The following ADAMTS17 variants were observed in gnomAD, a reference collection of about 807,000 sequenced individuals.
ADAMTS17 encodes the protein ADAM metallopeptidase with thrombospondin type 1 motif 17, also known as A disintegrin and metalloproteinase with thrombospondin motifs 17.
ADAMTS17 carries 113 observed loss-of-function variants against 141.5 expected under a neutral mutation model. The ratio of observed to expected loss-of-function variants is 0.80; its 90% CI spans 0.69 to 0.93. The LOEUF (loss-of-function observed/expected upper bound fraction) is 0.93, where lower values mean the gene tolerates loss of function less well. ADAMTS17 is among the 40% of genes least tolerant of loss of function. The pLI, the probability that ADAMTS17 is intolerant of heterozygous loss-of-function variation, is 0.00. For missense variants in ADAMTS17, 1,659 were observed against 1,517.9 expected (o/e 1.09, Z -1.54); for synonymous variants, 768 against 630.6 (o/e 1.22, Z -3.27).
Position 99,989,761 on chromosome 15 carries a change from G to T in ADAMTS17, c.2949+3287C>A, listed in dbSNP as rs10163081. Among the ~76,000 whole-genome samples the T allele has an allele frequency of 3.9e-3, 596 of 152,352 alleles. 4 individuals are homozygous for T. The highest frequency in any genetic ancestry group is 0.013 in the African/African-American group (559 of 41,590). The stretch of plus-strand genomic sequence containing the variant: ...AGAAGCCCTACTGATAAGACAAGGT[G>T]AGGTCAGATCAGAATGGGTTATAAC... On this transcript the variant is annotated intron_variant, in intron 20 of 21. Coordinates refer to ENST00000268070, the MANE Select transcript of ADAMTS17 (RefSeq NM_139057.4).
At chr15:100,322,275 T>C (rs1368019781) in intron 3 of ADAMTS17, among the ~76,000 whole-genome samples, 4 of 152,042 alleles carry the variant, frequency 2.6e-5, no homozygotes, top group Admixed American at 6.5e-5. Context: ...CTGGAAAGTA[T>C]GGGGGAGGCA....
intron 8 of ADAMTS17, among the ~76,000 whole-genome samples, chr15:100,156,270 T>C (rs2039431249): frequency 6.6e-6 from 1 of 152,212 alleles, no homozygotes; most frequent in African/African-American, 2.4e-5. Flanking sequence ...TATCTGACCA[T>C]CTTCCGTCAG....
intron 4 of ADAMTS17, among the ~76,000 whole-genome samples, chr15:100,267,160 C>T (rs1428233431): frequency 2.0e-5 from 3 of 152,032 alleles, no homozygotes; most frequent in East Asian, 1.9e-4. Context: ...CTCCCACTGC[C>T]CCCCACCCAA....
intron 4 of ADAMTS17, among the ~76,000 whole-genome samples, chr15:100,269,772 T>A (rs911298520): frequency 6.6e-6 from 1 of 152,154 alleles, no homozygotes; most frequent in African/African-American, 2.4e-5. Context: ...TTAGCCTTCA[T>A]CTCTCCTGCT....
At chr15:100,021,173 T>C (rs988329449) in intron 18 of ADAMTS17, among the ~76,000 whole-genome samples, 4 of 152,172 alleles carry the variant, frequency 2.6e-5, no homozygotes, top group African/African-American at 9.7e-5. Flanking sequence ...GGCCGATGTG[T>C]TCACCAGCCT....
chr15:100,333,383 T>C (rs2046113310), intron 2 of ADAMTS17, among the ~76,000 whole-genome samples: 1 of 152,196 alleles, frequency 6.6e-6, no homozygotes, highest in African/African-American at 2.4e-5. Context: ...CCTATTGTTA[T>C]GATCTGGGGA....
chr15:100,162,093 G>A (rs755528600), intron 8 of ADAMTS17, among the ~76,000 whole-genome samples: 11 of 152,266 alleles, frequency 7.2e-5, no homozygotes, highest in Non-Finnish European at 1.6e-4. Flanking sequence ...TAGTGTTGGT[G>A]TTCAGTGTAT....
chr15:100,311,369 G>C (rs537078134), intron 3 of ADAMTS17, among the ~76,000 whole-genome samples: 1 of 152,226 alleles, frequency 6.6e-6, no homozygotes, highest in African/African-American at 2.4e-5. Flanking sequence ...GCCTTCTGGG[G>C]GCCACCATCC....
chr15:100,280,695 G>A (rs1028529375), intron 4 of ADAMTS17, among the ~76,000 whole-genome samples: 3 of 152,188 alleles, frequency 2.0e-5, no homozygotes, highest in Non-Finnish European at 2.9e-5. Context: ...GGATGCCCTT[G>A]AAGGTCCTTC....
At chr15:100,150,222 G>A (rs765507872) in intron 10 of ADAMTS17, among the ~76,000 whole-genome samples, 29 of 152,168 alleles carry the variant, frequency 1.9e-4, no homozygotes, top group Non-Finnish European at 4.1e-4. Context: ...GAGTCACAAA[G>A]CTGAGGGAAT....
At chr15:100,163,030 A>ATATATAAC (rs1242857875) in intron 8 of ADAMTS17, among the ~76,000 whole-genome samples, 14 of 143,236 alleles carry the variant, frequency 9.8e-5, no homozygotes, top group African/African-American at 3.6e-4. Context: ...ATATATGTAT[A>ATATATAAC]TATATGTGTA....
chr15:100,325,652 A>T (rs948959072), intron 3 of ADAMTS17, among the ~76,000 whole-genome samples: 1 of 151,956 alleles, frequency 6.6e-6, no homozygotes, highest in South Asian at 2.1e-4. Flanking sequence ...AACGACCCTC[A>T]CCTCTTCGCT....
chr15:100,178,407 A>G (rs1300766192), intron 8 of ADAMTS17, among the ~76,000 whole-genome samples: 1 of 152,196 alleles, frequency 6.6e-6, no homozygotes. Flanking sequence ...AGTTAAGCAG[A>G]GAAATGTGAC....
rs576979912 is a variant in ADAMTS17, at chr15:100,150,180, T to C, written c.1473+2432A>G. 5.3e-5 allele frequency among the ~76,000 whole-genome samples: 8 copies of C among 152,344 alleles called. No individual in the cohort carries two copies. In the South Asian group the frequency reaches 1.5e-3, roughly 28 times the overall value. On this transcript the variant is annotated intron_variant, in intron 10 of 21. Coordinates refer to ENST00000268070, the MANE Select transcript of ADAMTS17 (RefSeq NM_139057.4). ...GCACGTGGGAAGATCTCACTTGATATGCATTTGGATTTTGAGCTTCTAGGG... is the reference window on the plus strand; with the variant it reads ...GCACGTGGGAAGATCTCACTTGATACGCATTTGGATTTTGAGCTTCTAGGG...
chr15:100,052,164 T>C (rs1483524751), intron 16 of ADAMTS17, among the ~76,000 whole-genome samples: 2 of 152,184 alleles, frequency 1.3e-5, no homozygotes, highest in Admixed American at 1.3e-4. Context: ...GCAATTGGGG[T>C]GACTCTATTT....
At chr15:100,265,618 G>T (rs2043686541) in intron 4 of ADAMTS17, among the ~76,000 whole-genome samples, 2 of 152,196 alleles carry the variant, frequency 1.3e-5, no homozygotes, top group Admixed American at 6.5e-5. Flanking sequence ...GCCGTGGTTG[G>T]AGGCACAAGG....
chr15:100,048,592 T>C (rs2031896073), intron 18 of ADAMTS17, among the ~76,000 whole-genome samples: 1 of 69,758 alleles, frequency 1.4e-5, no homozygotes, highest in African/African-American at 1.2e-4. Flanking sequence ...GATGGCCATT[T>C]TTTTTTTTTT....
intron 3 of ADAMTS17, among the ~76,000 whole-genome samples, chr15:100,302,955 G>C (rs914300686): frequency 6.6e-6 from 1 of 151,980 alleles, no homozygotes; most frequent in Admixed American, 6.6e-5. Flanking sequence ...TCCCATGCTG[G>C]ATGCTTCCTG....
chr15:100,129,166 A>T (rs1231268117), intron 12 of ADAMTS17: 4 of 152,174 alleles, frequency 2.6e-5, no homozygotes, highest in Non-Finnish European at 5.9e-5. Flanking sequence ...CTGTTATGAG[A>T]TAAGACACGT....
Sources: allele counts gnomAD v4.1 joint callset (sites outside exome capture counted in the v4.1 genomes callset), GRCh38; gene constraint gnomAD v4.1.1; transcripts MANE v1.5; gene names NCBI Gene and HGNC (gene_info 2026-07-23, HGNC 2026-07-21).